Variants in NKAIN3 observed in about 807,000 individuals in gnomAD.
NKAIN3 encodes the protein sodium/potassium transporting ATPase interacting 3.
Under a neutral mutation model 30.2 loss-of-function variants are expected in NKAIN3, and 25 were observed. The observed-to-expected ratio is 0.83, with a 90% CI of 0.60 to 1.16. The LOEUF is 1.16. Among genes scored for constraint, NKAIN3 ranks in the 50% most tolerant of loss-of-function variants. The pLI is 0.00. For missense variants in NKAIN3, 225 were observed against 254.1 expected (o/e 0.89, Z 0.78); for synonymous variants, 91 against 89.6 (o/e 1.02, Z -0.09).
intron 4 of NKAIN3, among the ~76,000 whole-genome samples, chr8:62,900,598 T>G (rs1821584472): frequency 6.6e-6 from 1 of 152,196 alleles, no homozygotes; most frequent in South Asian, 2.1e-4. Flanking sequence ...ACTTAGCACT[T>G]GGAGATAGAA....
At chr8:62,350,701 A>G (rs1338499358) in intron 1 of NKAIN3, among the ~76,000 whole-genome samples, 2 of 151,874 alleles carry the variant, frequency 1.3e-5, no homozygotes, top group African/African-American at 4.8e-5. Context: ...TTATTTATTT[A>G]TTTATTTGAG....
chr8:62,642,762 A>T (rs1812347277), intron 3 of NKAIN3, among the ~76,000 whole-genome samples: 1 of 152,112 alleles, frequency 6.6e-6, no homozygotes, highest in Non-Finnish European at 1.5e-5. Context: ...TTAAGTACAA[A>T]TGAAATAATG....
intron 1 of NKAIN3, among the ~76,000 whole-genome samples, chr8:62,296,304 G>T (rs1309436484): frequency 6.6e-6 from 1 of 152,168 alleles, no homozygotes; most frequent in South Asian, 2.1e-4. Flanking sequence ...AGGCAGTCAT[G>T]AGAACCAGAC....
chr8:62,872,626 A>T (rs955822727), intron 4 of NKAIN3, among the ~76,000 whole-genome samples: 1 of 152,216 alleles, frequency 6.6e-6, no homozygotes, highest in Non-Finnish European at 1.5e-5. Context: ...AATGAATAAG[A>T]AAGACACAAC....
At chr8:62,869,374 G>A (rs906780715) in intron 4 of NKAIN3, among the ~76,000 whole-genome samples, 1 of 152,252 alleles carries the variant, frequency 6.6e-6, no homozygotes, top group South Asian at 2.1e-4. Flanking sequence ...CCCTCCCGGG[G>A]TCCATGTGTT....
chr8:62,508,326 A>T (rs767012590), intron 1 of NKAIN3, among the ~76,000 whole-genome samples: 1 of 152,130 alleles, frequency 6.6e-6, no homozygotes, highest in East Asian at 1.9e-4. Context: ...CATTTCAAAC[A>T]ATTTGCTTTA....
chr8:62,294,129 G>C (rs555321930), intron 1 of NKAIN3, among the ~76,000 whole-genome samples: 1 of 152,148 alleles, frequency 6.6e-6, no homozygotes, highest in Non-Finnish European at 1.5e-5. Flanking sequence ...TCCAGGTACC[G>C]TCTGTCACGG....
At chr8:62,812,581 T>C (rs1818524101) in intron 4 of NKAIN3, among the ~76,000 whole-genome samples, 1 of 151,874 alleles carries the variant, frequency 6.6e-6, no homozygotes, top group Admixed American at 6.6e-5. Context: ...TAACCTTGCT[T>C]CACTCACTTA....
intron 1 of NKAIN3, among the ~76,000 whole-genome samples, chr8:62,558,097 G>A (rs539080669): frequency 6.6e-6 from 1 of 152,074 alleles, no homozygotes; most frequent in South Asian, 2.1e-4. Flanking sequence ...AGGTGAGAGA[G>A]GAGGATCCAG....
chr8:62,722,081 G>A (rs1300673059), intron 3 of NKAIN3, among the ~76,000 whole-genome samples: 1 of 152,304 alleles, frequency 6.6e-6, no homozygotes, highest in East Asian at 1.9e-4. Flanking sequence ...GAGAAAAGAG[G>A]ATGTTTTAAG....
intron 3 of NKAIN3, among the ~76,000 whole-genome samples, chr8:62,693,540 C>G (rs754225435): frequency 3.3e-5 from 5 of 152,212 alleles, no homozygotes; most frequent in Non-Finnish European, 4.4e-5. Context: ...AGTCTGACAA[C>G]AGTACACACA....
In NKAIN3 at chr8:62,361,370, G is replaced by A. The variant is rs533716134; in HGVS notation, c.54+112243G>A. ...AATTTATTTAGTTGTTTACTTCTTTGTGTGTTGGTATTTCCTTCCTTCCAC... is the reference window on the plus strand; with the variant it reads ...AATTTATTTAGTTGTTTACTTCTTTATGTGTTGGTATTTCCTTCCTTCCAC... On this transcript the variant is annotated intron_variant, in intron 1 of 6. Coordinates refer to ENST00000623646, the MANE Select transcript of NKAIN3 (RefSeq NM_001304533.3). 5.9e-5 allele frequency among the ~76,000 whole-genome samples: 9 copies of A among 152,240 alleles called. No homozygotes were observed. The East Asian group carries it at 1.8e-3, about 30-fold the overall frequency.
rs1353820252 is a variant in NKAIN3 at position 62,745,226 on chromosome 8, G to A, written c.274-1706G>A. 6.6e-5 allele frequency among the ~76,000 whole-genome samples: 10 copies of A among 152,206 alleles called. No homozygotes were observed. In the East Asian group the frequency reaches 1.7e-3, roughly 26 times the overall value. ...TTTAGGTGTCTCCTTGGCAACTGAA[G>A]TGGACACTGTCCTCAAAGGAACCTT... On this transcript the variant is annotated intron_variant, in intron 3 of 6. Transcript: ENST00000623646.
chr8:62,344,701 G>T (rs1444585806), intron 1 of NKAIN3: 1 of 242,032 alleles, frequency 4.1e-6, no homozygotes, highest in Non-Finnish European at 8.3e-6. Context: ...TTTTTATCCT[G>T]CAACCCAGTT....
intron 4 of NKAIN3, among the ~76,000 whole-genome samples, chr8:62,754,506 A>G (rs1181619027): frequency 1.3e-5 from 2 of 152,074 alleles, no homozygotes; most frequent in Non-Finnish European, 2.9e-5. Context: ...TTACACATAT[A>G]TTGTCTTGAA....
chr8:62,856,997 TA>T (rs1820080208), intron 4 of NKAIN3: 2 of 524,874 alleles, frequency 3.8e-6, no homozygotes, highest in East Asian at 9.7e-5. Context: ...TGAATACTTA[TA>T]GTCTCCACTT....
At chr8:62,729,867 G>C (rs1182048839) in intron 3 of NKAIN3, among the ~76,000 whole-genome samples, 1 of 152,156 alleles carries the variant, frequency 6.6e-6, no homozygotes, top group Non-Finnish European at 1.5e-5. Context: ...ACTATTACAT[G>C]TGTACACAGG....
chr8:62,295,617 G>A (rs979234508), intron 1 of NKAIN3, among the ~76,000 whole-genome samples: 1 of 151,948 alleles, frequency 6.6e-6, no homozygotes, highest in African/African-American at 2.4e-5. Flanking sequence ...AGCTTTTTTG[G>A]GGGAATTCTC....
chr8:62,361,563 A>G (rs972745301), intron 1 of NKAIN3, among the ~76,000 whole-genome samples: 4 of 152,224 alleles, frequency 2.6e-5, no homozygotes, highest in Non-Finnish European at 5.9e-5. Context: ...TTAAATGGAG[A>G]ACTACTGTTA....
Sources: gnomAD v4.1 joint callset for allele counts (sites outside exome capture counted in the v4.1 genomes callset) on GRCh38, gnomAD v4.1.1 for gene constraint, MANE v1.5 for transcripts, NCBI Gene and HGNC (gene_info 2026-07-23, HGNC 2026-07-21) for gene names.